Variants in AVL9 observed in about 807,000 individuals in gnomAD.
AVL9 encodes late secretory pathway protein AVL9 homolog.
AVL9 carries 49 observed loss-of-function variants against 79.2 expected under a neutral mutation model. The ratio of observed to expected loss-of-function variants is 0.62; its 90% CI spans 0.49 to 0.79. The LOEUF (loss-of-function observed/expected upper bound fraction) is 0.79, where lower values mean the gene tolerates loss of function less well. AVL9 is among the 30% of genes least tolerant of loss of function. AVL9 has a pLI of 0.00. For missense variants in AVL9, 682 were observed against 776.8 expected (o/e 0.88, Z 1.45); for synonymous variants, 299 against 280.6 (o/e 1.07, Z -0.65).
chr7:32,505,556 C>G (rs888841228), intron 1 of AVL9, among the ~76,000 whole-genome samples: 13 of 152,000 alleles, frequency 8.6e-5, no homozygotes, highest in Non-Finnish European at 4.4e-5. Flanking sequence ...AACCCTTCTA[C>G]TTTGTAGCAA....
At chr7:32,565,961 T>C (rs1790546143) in intron 10 of AVL9, among the ~76,000 whole-genome samples, 1 of 136,236 alleles carries the variant, frequency 7.3e-6, no homozygotes, top group East Asian at 2.2e-4. Context: ...TGAGCCAAGA[T>C]CGTGCCACTG....
At chr7:32,566,481 T>G (rs1284026267) in intron 10 of AVL9, among the ~76,000 whole-genome samples, 4 of 93,508 alleles carry the variant, frequency 4.3e-5, no homozygotes, top group Admixed American at 1.1e-4. Context: ...AATAATAATG[T>G]TTAAGGCTAG....
In AVL9 at chr7:32,579,444, TA is replaced by T. The variant is rs1450381344; in HGVS notation, c.1689-773del. 4.2e-4 allele frequency among the ~76,000 whole-genome samples: 4 copies of T among 9,416 alleles called. 1 individual carries two copies. Among genetic ancestry groups the T allele is most frequent in the African/African-American group, 1.1e-3 (2 of 1,874 alleles). 6.2% of individuals were successfully genotyped at this position (9,416 alleles called of 152,430 possible). ...ATATATATAATATATATATTATATA[TA>T]ATATATTATATATTATATATAATAT... On this transcript the variant is annotated intron_variant, in intron 13 of 15. Transcript: ENST00000318709.
At chr7:32,536,461 A>T (rs1788914124) in intron 1 of AVL9, 2 of 152,332 alleles carry the variant, frequency 1.3e-5, no homozygotes, top group Non-Finnish European at 2.9e-5. Flanking sequence ...AAGGGGACAG[A>T]TATTCAGTCA....
At chr7:32,541,424 A>G (rs787218) in intron 1 of AVL9, among the ~76,000 whole-genome samples, 50,720 of 151,980 alleles carry the variant, frequency 0.33, 8,723 homozygotes, top group South Asian at 0.44. Flanking sequence ...GATAAATACT[A>G]TATATGGGAC....
chr7:32,508,491 T>C (rs1361509740), intron 1 of AVL9, among the ~76,000 whole-genome samples: 2 of 152,234 alleles, frequency 1.3e-5, no homozygotes, highest in Admixed American at 6.5e-5. Context: ...AATTGAGATA[T>C]TTCACATTGT....
At chr7:32,530,489 T>C (rs975430220) in intron 1 of AVL9, among the ~76,000 whole-genome samples, 1 of 152,266 alleles carries the variant, frequency 6.6e-6, no homozygotes, top group Non-Finnish European at 1.5e-5. Context: ...CAAATCCTTA[T>C]AACAATGCTA....
intron 1 of AVL9, among the ~76,000 whole-genome samples, chr7:32,506,682 CG>C (rs935280400): frequency 6.6e-5 from 10 of 151,270 alleles, no homozygotes; most frequent in African/African-American, 2.4e-4. Context: ...GGAGGCCAAA[CG>C]GGAGGATTAC....
At chr7:32,545,565 T>C (rs1288479956) in intron 3 of AVL9, among the ~76,000 whole-genome samples, 1 of 151,828 alleles carries the variant, frequency 6.6e-6, no homozygotes, top group Non-Finnish European at 1.5e-5. Flanking sequence ...AGACAAGGTT[T>C]CACCATGATG....
chr7:32,565,881 G>A lies in AVL9; in HGVS notation c.1216-4139G>A, dbSNP rs575950575. ...AAATTAGCTGGGCGTGGTGGCATAC[G>A]CCTGTAGTCCCAGCTACTCAGGATG... On this transcript the variant is annotated intron_variant, in intron 10 of 15. Transcript: ENST00000318709. 6.4e-4 allele frequency among the ~76,000 whole-genome samples: 97 copies of A among 151,844 alleles called. 1 individual carries two copies. Among genetic ancestry groups the A allele is most frequent in the African/African-American group, 2.2e-3 (93 of 41,448 alleles).
chr7:32,551,605 CTTTTT>C (rs60271681), intron 5 of AVL9, among the ~76,000 whole-genome samples, 182 bp downstream of exon 5: 10 of 93,780 alleles, frequency 1.1e-4, no homozygotes, highest in East Asian at 9.9e-4. Context: ...TTTAACCAAA[CTTTTT>C]TTTTTTTTTT....
chr7:32,540,605 T>G (rs1789135336), intron 1 of AVL9, among the ~76,000 whole-genome samples: 1 of 152,138 alleles, frequency 6.6e-6, no homozygotes, highest in African/African-American at 2.4e-5. Flanking sequence ...TTAAATTTAC[T>G]TTTGGTTTGC....
At chr7:32,579,535 AT>A (rs1424823515) in intron 13 of AVL9, among the ~76,000 whole-genome samples, 56 of 5,410 alleles carry the variant, frequency 0.01, 12 homozygotes, top group African/African-American at 0.043. Flanking sequence ...TATATATTAT[AT>A]TATATATTAT....
chr7:32,510,368 A>G (rs79955910), intron 1 of AVL9, among the ~76,000 whole-genome samples: 1,726 of 114,898 alleles, frequency 0.015, 36 homozygotes, highest in African/African-American at 0.05. Flanking sequence ...TATGAGGGAA[A>G]CCATCTCCCC....
chr7:32,498,929 C>CAACT (rs376433732), intron 1 of AVL9, among the ~76,000 whole-genome samples: 2 of 83,060 alleles, frequency 2.4e-5, no homozygotes, highest in African/African-American at 9.6e-5. Context: ...TTTGGGAGGC[C>CAACT]GAGGCGGGTG....
intron 12 of AVL9, among the ~76,000 whole-genome samples, chr7:32,574,902 A>G (rs1791018613): frequency 6.7e-6 from 1 of 148,620 alleles, no homozygotes; most frequent in Admixed American, 6.7e-5. Flanking sequence ...TCCTAGCAAC[A>G]AAAGGTACTT....
chr7:32,503,363 T>TACACACACACACACAC (rs1199472851), intron 1 of AVL9, among the ~76,000 whole-genome samples: 4 of 100,314 alleles, frequency 4.0e-5, no homozygotes, highest in Non-Finnish European at 7.8e-5. Flanking sequence ...TATAGAGAGA[T>TACACACACACACACAC]ATATATATAT....
chr7:32,525,221 A>G (rs947920959), intron 1 of AVL9, among the ~76,000 whole-genome samples: 26 of 152,228 alleles, frequency 1.7e-4, no homozygotes, highest in African/African-American at 6.3e-4. Flanking sequence ...TGTAAGCAAA[A>G]TTACATTTCT....
At chr7:32,538,752 T>C (rs1789034858) in intron 1 of AVL9, 6 of 152,138 alleles carry the variant, frequency 3.9e-5, no homozygotes, top group Admixed American at 3.3e-4. Flanking sequence ...TACAGAATCA[T>C]ACTACAGTCA....
Sources: gnomAD v4.1 joint callset for allele counts (sites outside exome capture counted in the v4.1 genomes callset) on GRCh38, gnomAD v4.1.1 for gene constraint, MANE v1.5 for transcripts, NCBI Gene and HGNC (gene_info 2026-07-23, HGNC 2026-07-21) for gene names.